GRID1: variants seen among roughly 807,000 people sequenced by gnomAD.
GRID1 encodes the protein glutamate ionotropic receptor delta type subunit 1, also known as glutamate receptor ionotropic, delta-1.
In GRID1, 28 loss-of-function variants were observed where a neutral mutation model predicts 98.0. That is an observed-to-expected ratio of 0.29 (90% CI 0.21 to 0.39). The LOEUF is 0.39. GRID1 is among the 10% of genes least tolerant of loss of function. GRID1 has a pLI of 1.00. For synonymous variants in GRID1, 553 were observed against 538.5 expected (o/e 1.03, Z -0.37); for missense variants, 1,111 against 1,340.5 (o/e 0.83, Z 2.67).
intron 2 of GRID1, among the ~76,000 whole-genome samples, chr10:86,322,060 G>A (rs1256847861): frequency 4.6e-5 from 7 of 151,844 alleles, no homozygotes; most frequent in Admixed American, 4.6e-4. Context: ...AGAGGGGAGA[G>A]GCTATCACAT....
At chr10:86,306,567 A>T (rs868474657) in intron 2 of GRID1, among the ~76,000 whole-genome samples, 2 of 152,168 alleles carry the variant, frequency 1.3e-5, no homozygotes, top group African/African-American at 4.8e-5. Flanking sequence ...GGCCTCCTAT[A>T]CTGGGCTCAG....
chr10:86,273,034 G>T (rs1343758780), intron 2 of GRID1, among the ~76,000 whole-genome samples: 1 of 151,982 alleles, frequency 6.6e-6, no homozygotes, highest in Non-Finnish European at 1.5e-5. Context: ...TTAGCATTAG[G>T]TATATCTCCT....
At chr10:85,903,535 T>TA (rs1375426596) in intron 5 of GRID1, among the ~76,000 whole-genome samples, 1 of 152,146 alleles carries the variant, frequency 6.6e-6, no homozygotes, top group Non-Finnish European at 1.5e-5. Context: ...CCACCTCACT[T>TA]ACTCTTAAGG....
intron 15 of GRID1, chr10:85,606,237 T>C (rs1238408752): frequency 6.6e-6 from 1 of 152,228 alleles, no homozygotes; most frequent in Non-Finnish European, 1.5e-5. Flanking sequence ...ACCAACTCCC[T>C]ACTGCAGTTA....
intron 4 of GRID1, among the ~76,000 whole-genome samples, chr10:86,109,174 G>T (rs1487910321): frequency 6.6e-6 from 1 of 152,172 alleles, no homozygotes; most frequent in Non-Finnish European, 1.5e-5. Context: ...CTTGCTTCAA[G>T]GTAGTTTCCC....
At chr10:85,949,956 TTGGA>T (rs1446978991) in intron 4 of GRID1, among the ~76,000 whole-genome samples, 1 of 149,072 alleles carries the variant, frequency 6.7e-6, no homozygotes, top group Non-Finnish European at 1.5e-5. Context: ...GGATGGATAG[TTGGA>T]TGGATGGGTG....
chr10:86,154,436 G>A (rs558841722), intron 3 of GRID1, among the ~76,000 whole-genome samples: 1 of 152,268 alleles, frequency 6.6e-6, no homozygotes, highest in East Asian at 1.9e-4. Flanking sequence ...CCACCTCCAG[G>A]AGAGTGATAC....
intron 4 of GRID1, among the ~76,000 whole-genome samples, chr10:85,988,193 C>T (rs1366067918): frequency 1.3e-5 from 2 of 152,126 alleles, no homozygotes; most frequent in Non-Finnish European, 2.9e-5. Context: ...CCCCACTACT[C>T]TCCCAATACC....
At chr10:85,722,893 G>T in intron 12 of GRID1, 110 bp downstream of exon 12, 1 of 771,122 alleles carries the variant, frequency 1.3e-6, no homozygotes, top group Non-Finnish European at 1.9e-6. Context: ...GAGACCATCA[G>T]TTTGCAGATC....
At chr10:86,240,169 A>G (rs551936887) in intron 2 of GRID1, among the ~76,000 whole-genome samples, 1 of 152,208 alleles carries the variant, frequency 6.6e-6, no homozygotes, top group Non-Finnish European at 1.5e-5. Context: ...TTGTTATGGA[A>G]GCCCCAGGAA....
rs116914588 is a variant in GRID1 at position 86,320,256 on chromosome 10, G to A, written c.235+43685C>T. 4.6e-3 allele frequency among the ~76,000 whole-genome samples: 696 copies of A among 152,344 alleles called. 16 individuals carry two copies. Among genetic ancestry groups the A allele is most frequent in the Admixed American group, 0.035 (540 of 15,308 alleles). On this transcript the variant is annotated intron_variant, in intron 2 of 15. Transcript: ENST00000327946. ...TCTCCAGGAAGAATCCTTTTGCACAGGAATGAAGAGGGACACCCAGGCCAC... is the reference window on the plus strand; with the variant it reads ...TCTCCAGGAAGAATCCTTTTGCACAAGAATGAAGAGGGACACCCAGGCCAC...
At chr10:85,992,605 T>C (rs1434293531) in intron 4 of GRID1, among the ~76,000 whole-genome samples, 1 of 139,776 alleles carries the variant, frequency 7.2e-6, no homozygotes, top group African/African-American at 2.6e-5. Flanking sequence ...GCAGTGAGGA[T>C]GAGGAGAGGT....
At chr10:86,076,323 A>T (rs544186934) in intron 4 of GRID1, among the ~76,000 whole-genome samples, 2 of 152,346 alleles carry the variant, frequency 1.3e-5, no homozygotes, top group African/African-American at 4.8e-5. Context: ...TAAGTAATTA[A>T]CAGGTGATAT....
intron 4 of GRID1, among the ~76,000 whole-genome samples, chr10:86,012,061 G>A (rs1284269645): frequency 2.6e-5 from 4 of 152,132 alleles, no homozygotes; most frequent in Non-Finnish European, 5.9e-5. Flanking sequence ...AAGAGGCTGA[G>A]GCAAGAGAAT....
At chr10:86,329,654 C>T (rs1002673869) in intron 2 of GRID1, among the ~76,000 whole-genome samples, 2 of 152,208 alleles carry the variant, frequency 1.3e-5, no homozygotes, top group Admixed American at 1.3e-4. Flanking sequence ...TGACCCCCAA[C>T]CAGCCAACTG....
At chr10:86,357,884 C>T (rs566754154) in intron 2 of GRID1, among the ~76,000 whole-genome samples, 20 of 152,220 alleles carry the variant, frequency 1.3e-4, no homozygotes, top group Admixed American at 3.3e-4. Flanking sequence ...GGACCCCGGG[C>T]GGCAAAGCAA....
intron 2 of GRID1, among the ~76,000 whole-genome samples, chr10:86,275,760 A>G (rs1847259655): frequency 6.6e-6 from 1 of 152,188 alleles, no homozygotes; most frequent in Non-Finnish European, 1.5e-5. Context: ...TGAAAAGTGA[A>G]CAGAACCTAA....
intron 3 of GRID1, among the ~76,000 whole-genome samples, chr10:86,146,486 G>A (rs1053177182): frequency 1.3e-5 from 2 of 152,232 alleles, no homozygotes; most frequent in South Asian, 2.1e-4. Flanking sequence ...TGGCAGCAGC[G>A]TCTGCCATTT....
intron 12 of GRID1, among the ~76,000 whole-genome samples, chr10:85,717,903 G>C (rs1210856335): frequency 7.3e-6 from 1 of 137,278 alleles, no homozygotes; most frequent in Non-Finnish European, 1.6e-5. Flanking sequence ...ATGCAAGTCC[G>C]AAATCCAGTG....
Sources: allele counts gnomAD v4.1 joint callset (sites outside exome capture counted in the v4.1 genomes callset), GRCh38; gene constraint gnomAD v4.1.1; transcripts MANE v1.5; gene names NCBI Gene and HGNC (gene_info 2026-07-23, HGNC 2026-07-21).